Variants in TRPM1 observed in about 807,000 individuals in gnomAD.
TRPM1 encodes the protein TRPM1-203 APA Isoform, Intron 10.
A neutral mutation model predicts 149.4 loss-of-function variants in TRPM1; 113 were observed. The ratio of observed to expected loss-of-function variants is 0.76; its 90% CI spans 0.65 to 0.88. The LOEUF (loss-of-function observed/expected upper bound fraction) is 0.88. Ranked by LOEUF, TRPM1 falls within the 40% of genes least tolerant of loss-of-function variation. The pLI, the probability that TRPM1 is intolerant of heterozygous loss-of-function variation, is 0.00. For missense variants in TRPM1, 1,976 were observed against 2,038.7 expected (o/e 0.97, Z 0.59); for synonymous variants, 741 against 759.5 (o/e 0.98, Z 0.40).
At chr15:31,005,996 A>AT (rs2031974126) in intron 27 of TRPM1, among the ~76,000 whole-genome samples, 1 of 152,214 alleles carries the variant, frequency 6.6e-6, no homozygotes, top group Admixed American at 6.5e-5. Flanking sequence ...ATAGTGAGAT[A>AT]TGATTAATCA....
At chr15:31,156,602 CA>C (rs956016176) in intron 1 of TRPM1, among the ~76,000 whole-genome samples, 3 of 152,182 alleles carry the variant, frequency 2.0e-5, no homozygotes, top group African/African-American at 7.2e-5. Context: ...ACCTGTGGGC[CA>C]CCCTCCCCAC....
chr15:31,145,908 G>A (rs2036218415), intron 1 of TRPM1, among the ~76,000 whole-genome samples: 1 of 148,776 alleles, frequency 6.7e-6, no homozygotes, highest in African/African-American at 2.5e-5. Context: ...TAATGCTAAC[G>A]ATAGCAGATA....
chr15:31,123,240 T>C (rs1449648646), intron 1 of TRPM1, among the ~76,000 whole-genome samples: 1 of 152,154 alleles, frequency 6.6e-6, no homozygotes, highest in Non-Finnish European at 1.5e-5. Flanking sequence ...ATCTAGAAGA[T>C]ATCATAGGAG....
intron 27 of TRPM1, among the ~76,000 whole-genome samples, chr15:31,019,488 G>A (rs1057395656): frequency 3.9e-5 from 6 of 152,100 alleles, no homozygotes; most frequent in East Asian, 1.9e-4. Flanking sequence ...TGCAACCTTC[G>A]CCTCTCGGGT....
intron 1 of TRPM1, among the ~76,000 whole-genome samples, chr15:31,082,807 C>T (rs908444854): frequency 1.3e-5 from 2 of 152,126 alleles, no homozygotes; most frequent in Middle Eastern, 3.2e-3. Flanking sequence ...TGGGCATTTA[C>T]GTAGTTTTAG....
intron 1 of TRPM1, among the ~76,000 whole-genome samples, chr15:31,147,066 A>G (rs572237124): frequency 3.3e-5 from 5 of 152,180 alleles, no homozygotes; most frequent in Middle Eastern, 3.4e-3. Flanking sequence ...TATGAAGCCA[A>G]TCTCCTTTGC....
chr15:31,029,209 T>C (rs752504159), intron 24 of TRPM1, among the ~76,000 whole-genome samples, 162 bp downstream of exon 24: 4 of 152,108 alleles, frequency 2.6e-5, no homozygotes, highest in Non-Finnish European at 4.4e-5. Flanking sequence ...AACAGTGAAT[T>C]TGTGGTTCTC....
chr15:31,121,572 GATGAA>G (rs1445008336), intron 1 of TRPM1, among the ~76,000 whole-genome samples: 2 of 152,134 alleles, frequency 1.3e-5, no homozygotes, highest in Non-Finnish European at 2.9e-5. Flanking sequence ...TAATAGCTTA[GATGAA>G]ATGAACAAAT....
chr15:31,081,475 C>T, intron 1 of TRPM1, 37 bp from the exon 2 acceptor site: 2 of 1,332,978 alleles, frequency 1.5e-6, no homozygotes, highest in Non-Finnish European at 2.1e-6. Flanking sequence ...AGTCACTTTG[C>T]CTGCAGCCTC....
chr15:31,057,277 A>G (rs1209966225), intron 11 of TRPM1, among the ~76,000 whole-genome samples: 1 of 152,236 alleles, frequency 6.6e-6, no homozygotes, highest in Non-Finnish European at 1.5e-5. Flanking sequence ...TCCTTAGCAA[A>G]CTAAGGCAGA....
chr15:31,067,768 G>A, intron 5 of TRPM1, 111 bp downstream of exon 5: 1 of 1,061,268 alleles, frequency 9.4e-7, no homozygotes, highest in Non-Finnish European at 1.4e-6. Context: ...TCATAAATAG[G>A]ATCAGGATGC....
At chr15:31,144,712 ATTTTTTT>A (rs34583108) in intron 1 of TRPM1, among the ~76,000 whole-genome samples, 1 of 108,208 alleles carries the variant, frequency 9.2e-6, no homozygotes. Context: ...TGTTTTTGAG[ATTTTTTT>A]TTTTTTTTTT....
intron 3 of TRPM1, among the ~76,000 whole-genome samples, chr15:31,075,161 T>C (rs146636390): frequency 7.9e-4 from 120 of 152,312 alleles, no homozygotes; most frequent in African/African-American, 2.7e-3. Flanking sequence ...TACTGGGTGG[T>C]GTGCTCTATA....
intron 11 of TRPM1, among the ~76,000 whole-genome samples, chr15:31,051,855 C>A (rs1448876355): frequency 6.6e-6 from 1 of 152,212 alleles, no homozygotes; most frequent in Non-Finnish European, 1.5e-5. Flanking sequence ...GACCTACCCT[C>A]CGACCCAGTC....
At chr15:31,099,228 T>C (rs987978628) in intron 1 of TRPM1, among the ~76,000 whole-genome samples, 1 of 152,158 alleles carries the variant, frequency 6.6e-6, no homozygotes, top group Admixed American at 6.5e-5. Context: ...AGATATGCCT[T>C]TGCATATCAC....
intron 1 of TRPM1, among the ~76,000 whole-genome samples, chr15:31,118,468 G>A (rs1034667671): frequency 3.3e-5 from 5 of 151,846 alleles, no homozygotes; most frequent in African/African-American, 9.7e-5. Flanking sequence ...TGGACCTATC[G>A]TGTTCAAACT....
At chr15:31,080,754 C>T (rs547907641) in intron 2 of TRPM1, among the ~76,000 whole-genome samples, 5 of 151,148 alleles carry the variant, frequency 3.3e-5, no homozygotes, top group African/African-American at 1.2e-4. Flanking sequence ...TAGTCCCGCC[C>T]CTCGTCCTTT....
chr15:31,017,897 A>G (rs2032423475), intron 27 of TRPM1, among the ~76,000 whole-genome samples: 1 of 151,968 alleles, frequency 6.6e-6, no homozygotes, highest in African/African-American at 2.4e-5. Context: ...CTTTGCATAG[A>G]CTCTTGTCTA....
At chr15:31,018,562 G>A (rs561543474) in intron 27 of TRPM1, among the ~76,000 whole-genome samples, 7 of 151,996 alleles carry the variant, frequency 4.6e-5, no homozygotes, top group African/African-American at 1.2e-4. Flanking sequence ...TAGTAGAGAC[G>A]GGGTTTCACC....
Sources: allele counts gnomAD v4.1 joint callset (sites outside exome capture counted in the v4.1 genomes callset), GRCh38; gene constraint gnomAD v4.1.1; transcripts MANE v1.5; gene names NCBI Gene and HGNC (gene_info 2026-07-23, HGNC 2026-07-21).